Variants in C11orf24 observed in about 807,000 individuals in gnomAD.
C11orf24 encodes uncharacterized protein C11orf24.
C11orf24 carries 5 observed loss-of-function variants against 7.3 expected under a neutral mutation model. The ratio of observed to expected loss-of-function variants is 0.69; its 90% CI spans 0.36 to 1.45. The LOEUF (loss-of-function observed/expected upper bound fraction) is 1.45, where lower values mean the gene tolerates loss of function less well. Ranked by LOEUF, C11orf24 falls within the 40% of genes most tolerant of loss-of-function variation. The pLI is 0.03. For synonymous variants in C11orf24, 233 were observed against 235.7 expected, an observed-to-expected ratio of 0.99 and a Z score of 0.11; for missense variants, 566 against 590.5, an observed-to-expected ratio of 0.96 and a Z score of 0.43.
In C11orf24 at chr11:68,262,708, C is replaced by A. The variant is rs745752349; in HGVS notation, c.287G>T (p.Gly96Val). 3 of 1,614,170 alleles carry A rather than the reference C, an allele frequency of 1.9e-6. No individual in the cohort carries two copies. Among genetic ancestry groups the A allele is most frequent in the East Asian group, 4.5e-5 (2 of 44,878 alleles). Reference sequence around the variant, plus strand: ...GGAGGTCACACCATCAGCTGCACCTCCTGAAGTTGCTGGTTCACTCACATC... The same window carrying A: ...GGAGGTCACACCATCAGCTGCACCTACTGAAGTTGCTGGTTCACTCACATC... ...RTDVSEPATS[G>V]GAADGVTSIA... Residue 96 changes from glycine (G) to valine (V), a missense_variant, in exon 4 of 4, where the codon GGA becomes GTA. Transcript: ENST00000304271.
At chr11:68,266,060 G>A (rs868750126) in intron 2 of C11orf24, among the ~76,000 whole-genome samples, 1 of 152,156 alleles carries the variant, frequency 6.6e-6, no homozygotes, top group Non-Finnish European at 1.5e-5. Context: ...ACTGTAATAG[G>A]GTCAAGAGAC....
At position 68,262,109 on chromosome 11, in the gene C11orf24, C is replaced by T. The variant is rs775768187; in HGVS notation, c.886G>A (p.Ala296Thr). ...PTPTVVTTTKAQAREPTASPV... is the reference protein window; with the variant it reads ...PTPTVVTTTKTQAREPTASPV... Reference sequence around the variant, plus strand: ...CTGGCAGTTGGCTCCCTGGCTTGTGCCTTGGTGGTGGTCACCACTGTGGGG... The same window carrying T: ...CTGGCAGTTGGCTCCCTGGCTTGTGTCTTGGTGGTGGTCACCACTGTGGGG... Residue 296 changes from alanine to threonine, a missense_variant, in exon 4 of 4, where the codon GCA (alanine) becomes ACA (threonine). Ala to Thr is a moderately conservative substitution (Grantham distance 58, BLOSUM62 0). Transcript: ENST00000304271. 1 of 1,613,722 alleles carries T rather than the reference C, an allele frequency of 6.2e-7. No homozygotes were observed. The highest frequency in any genetic ancestry group is 8.5e-7 in the Non-Finnish European group (1 of 1,179,964).
chr11:68,262,877 T>G lies in C11orf24; in HGVS notation c.118A>C (p.Arg40=). 3.1e-6 allele frequency: 5 copies of G among 1,614,064 alleles called. No individual in the cohort carries two copies. The highest frequency in any genetic ancestry group is 4.2e-6 in the Non-Finnish European group (5 of 1,180,034). The change falls in exon 4 of 4, where the codon AGG becomes CGG. Residue 40 remains arginine, a synonymous_variant. Transcript: ENST00000304271. ...PNKMWKGLVK[R]NASVETVDNK... ...TCAACTGTTTCCACAGATGCATTCC[T>G]CTTGACTAATCCCTTCCACATTTTG...
chr11:68,270,213 G>A (rs1396443280), intron 1 of C11orf24, among the ~76,000 whole-genome samples: 4 of 152,176 alleles, frequency 2.6e-5, no homozygotes, highest in Non-Finnish European at 4.4e-5. Flanking sequence ...CGGAAGGTTA[G>A]GCTGGCACTG....
rs1565289434 is a variant in C11orf24, at chr11:68,262,327, G to A, written c.668C>T (p.Thr223Ile). The A allele has an allele frequency of 1.2e-5, 20 of 1,613,880 alleles. No individual in the cohort carries two copies. The highest frequency in any genetic ancestry group is 1.7e-5 in the Non-Finnish European group (20 of 1,179,890). The change falls in exon 4 of 4, where the codon ACA becomes ATA. Residue 223 changes from threonine to isoleucine, a missense_variant. Physicochemically the swap from Thr to Ile is moderately conservative, Grantham distance 89 (BLOSUM62 -1). Coordinates refer to ENST00000304271, the MANE Select transcript of C11orf24 (RefSeq NM_022338.4). ...RAQTVATTAN[T>I]SSPMSTRPSP... Reference sequence around the variant, plus strand: ...TGGACGAGTGCTCATGGGGCTGCTTGTGTTTGCTGTGGTCGCTACAGTCTG... The same window carrying A: ...TGGACGAGTGCTCATGGGGCTGCTTATGTTTGCTGTGGTCGCTACAGTCTG...
At position 68,271,844 on chromosome 11, in the gene C11orf24, G is replaced by A. The variant is rs2098568205; in HGVS notation, c.-298+13C>T. 1 of 152,362 alleles carries A rather than the reference G, an allele frequency of 6.6e-6. No homozygotes were observed. The highest frequency in any genetic ancestry group is 2.1e-4 in the South Asian group (1 of 4,836). The allele number at this position is 152,362 out of a possible 1,614,324, so 9.4% of individuals were successfully genotyped here. A position where few individuals can be genotyped will look rare whatever the true frequency, so the allele number is the denominator to read the frequency against. On this transcript the variant is annotated intron_variant, in intron 1 of 3. Transcript: ENST00000304271. The stretch of plus-strand genomic sequence containing the variant: ...TGACAGCAGCTACCCGGACGGCAGT[G>A]CGAGCCCCTTACCCGGGCGCAGCAG...
chr11:68,270,695 C>A (rs2098567497), intron 1 of C11orf24, among the ~76,000 whole-genome samples: 2 of 152,140 alleles, frequency 1.3e-5, no homozygotes, highest in African/African-American at 4.8e-5. Flanking sequence ...GTTACCCCCA[C>A]ATTCTATCAG....
Position 68,262,682 on chromosome 11 carries a change from T to C in C11orf24, c.313A>G (p.Ile105Val). 1 of 1,614,164 alleles carries C rather than the reference T, an allele frequency of 6.2e-7. No individual in the cohort carries two copies. Among genetic ancestry groups the C allele is most frequent in the Non-Finnish European group, 8.5e-7 (1 of 1,180,030 alleles). Residue 105 changes from isoleucine (I) to valine (V), a missense_variant, in exon 4 of 4, where the codon ATT becomes GTT. Coordinates refer to ENST00000304271, the MANE Select transcript of C11orf24 (RefSeq NM_022338.4). ...CTGGAGGCCACAGCCGTGGGAGCAA[T>C]GGAGGTCACACCATCAGCTGCACCT... ...SGGAADGVTS[I>V]APTAVASSTT...
At chr11:68,270,273 T>A (rs2098567255) in intron 1 of C11orf24, among the ~76,000 whole-genome samples, 1 of 152,068 alleles carries the variant, frequency 6.6e-6, no homozygotes, top group African/African-American at 2.4e-5. Context: ...GCAAGGAAGG[T>A]GCAACAGGAT....
chr11:68,268,568 T>C (rs2098566382), intron 1 of C11orf24, among the ~76,000 whole-genome samples: 1 of 152,188 alleles, frequency 6.6e-6, no homozygotes, highest in African/African-American at 2.4e-5. Flanking sequence ...GGTGGGCACC[T>C]GTAATCCCAG....
rs1358798331 is a variant in C11orf24 at position 68,261,463 on chromosome 11, T to C, written c.*182A>G. On this transcript the variant is annotated 3_prime_UTR_variant, in exon 4 of 4. Transcript: ENST00000304271. ...GCACAGAATCATTTACAAAAATAAA[T>C]ATGAAAAAAGCAGCAACTCTTTAGT... 2 of 597,982 alleles carry C rather than the reference T, an allele frequency of 3.3e-6. No homozygotes were observed. The highest frequency in any genetic ancestry group is 3.2e-5 in the Admixed American group (1 of 31,520). 37.0% of individuals were successfully genotyped at this position (597,982 alleles called of 1,614,324 possible).
In C11orf24 at chr11:68,261,926, A is replaced by G; in HGVS notation, c.1069T>C (p.Ser357Pro). The stretch of plus-strand genomic sequence containing the variant: ...GAGCTCCTGGGTGTTGGCCCAGTGG[A>G]ATCAGTACCTGGTGTGGCTTCAGTC... ...VETEATPGTD[S>P]TGPTPRSSGG... Residue 357 changes from serine (S) to proline (P), a missense_variant, in exon 4 of 4, where the codon TCC (serine) becomes CCC (proline). Physicochemically the swap from Ser to Pro is moderately conservative, Grantham distance 74. Transcript: ENST00000304271. The G allele has an allele frequency of 6.2e-7, 1 of 1,613,906 alleles. No homozygotes were observed. Among genetic ancestry groups the G allele is most frequent in the Non-Finnish European group, 8.5e-7 (1 of 1,180,024 alleles).
At position 68,262,836 on chromosome 11, in the gene C11orf24, C is replaced by G. The variant is rs1467903786; in HGVS notation, c.159G>C (p.Glu53Asp). Reference sequence around the variant, plus strand: ...GAGAAGCTGCTGCCATGGTTACATCCTCAGACGTTTTATTATCAACTGTTT... The same window carrying G: ...GAGAAGCTGCTGCCATGGTTACATCGTCAGACGTTTTATTATCAACTGTTT... Reference protein sequence around the residue: ...SVETVDNKTSEDVTMAAASPV... With the variant: ...SVETVDNKTSDDVTMAAASPV... The change falls in exon 4 of 4, where the codon GAG (glutamate) becomes GAC (aspartate). Residue 53 changes from glutamate (E) to aspartate (D), a missense_variant. By Grantham distance (45) the Glu-to-Asp change is conservative. Transcript: ENST00000304271. 5 of 1,614,164 alleles carry G rather than the reference C, an allele frequency of 3.1e-6. No homozygotes were observed. Among genetic ancestry groups the G allele is most frequent in the Non-Finnish European group, 3.4e-6 (4 of 1,180,042 alleles).
At position 68,262,344 on chromosome 11, in the gene C11orf24, T is replaced by C; in HGVS notation, c.651A>G (p.Val217=). 1 of 1,614,128 alleles carries C rather than the reference T, an allele frequency of 6.2e-7. No homozygotes were observed. Among genetic ancestry groups the C allele is most frequent in the South Asian group, 1.1e-5 (1 of 91,092 alleles). ...GGCTGCTTGTGTTTGCTGTGGTCGC[T>C]ACAGTCTGAGCACGTGTGGCCAATG... ...LATLATRAQT[V]ATTANTSSPM... The change falls in exon 4 of 4, where the codon GTA becomes GTG. Residue 217 remains valine, a synonymous_variant. Coordinates refer to ENST00000304271, the MANE Select transcript of C11orf24 (RefSeq NM_022338.4).
intron 2 of C11orf24, among the ~76,000 whole-genome samples, chr11:68,264,362 C>T (rs1258786962): frequency 6.6e-6 from 1 of 151,554 alleles, no homozygotes; most frequent in Admixed American, 6.6e-5. Context: ...ATCCACCTGC[C>T]CGCCCACCCA....
chr11:68,271,119 T>G (rs528238592), intron 1 of C11orf24, among the ~76,000 whole-genome samples: 19 of 152,300 alleles, frequency 1.2e-4, no homozygotes, highest in South Asian at 8.3e-4. Flanking sequence ...ACATCTGTAT[T>G]TTAAAGATTT....
intron 2 of C11orf24, among the ~76,000 whole-genome samples, chr11:68,265,669 T>G (rs1050652002): frequency 2.0e-5 from 3 of 152,080 alleles, no homozygotes; most frequent in African/African-American, 7.2e-5. Flanking sequence ...TTTGTGTGTG[T>G]GGAGAGAGGA....
chr11:68,264,179 T>C (rs2098563376), intron 2 of C11orf24, among the ~76,000 whole-genome samples: 1 of 152,098 alleles, frequency 6.6e-6, no homozygotes, highest in Non-Finnish European at 1.5e-5. Flanking sequence ...GTTCATAGGG[T>C]GAAGGCCTTC....
chr11:68,263,585 C>A, intron 3 of C11orf24, 107 bp downstream of exon 3: 2 of 1,007,262 alleles, frequency 2.0e-6, no homozygotes, highest in Admixed American at 2.1e-5. Context: ...GGGAGGGCTG[C>A]GGTTCCTGAC....
Sources: allele counts gnomAD v4.1 joint callset (sites outside exome capture counted in the v4.1 genomes callset), GRCh38; gene constraint gnomAD v4.1.1; transcripts MANE v1.5; gene names NCBI Gene and HGNC (gene_info 2026-07-23, HGNC 2026-07-21).